The following STAM variants were observed in gnomAD, a reference collection of about 807,000 sequenced individuals.
The protein encoded by STAM is signal transducing adaptor molecule.
Under a neutral mutation model 63.4 loss-of-function variants are expected in STAM, and 16 were observed. The observed-to-expected ratio is 0.25, with a 90% CI of 0.17 to 0.38. The LOEUF (loss-of-function observed/expected upper bound fraction) is 0.38, where lower values mean the gene tolerates loss of function less well. Ranked by LOEUF, STAM falls within the 10% of genes least tolerant of loss-of-function variation. The probability of loss-of-function intolerance (pLI) is 1.00; values close to 1 mark genes in which losing one functional copy is unlikely to be tolerated. For synonymous variants in STAM, 238 were observed against 223.9 expected (o/e 1.06, Z -0.56); for missense variants, 636 against 657.1 (o/e 0.97, Z 0.35).
chr10:17,680,324 C>T (rs782077022), intron 2 of STAM, among the ~76,000 whole-genome samples: 19 of 152,066 alleles, frequency 1.2e-4, no homozygotes, highest in Non-Finnish European at 1.2e-4. Context: ...AACTGTATAC[C>T]CATTAAACAA....
chr10:17,714,605 C>T lies in STAM; in HGVS notation c.1448C>T (p.Pro483Leu). The T allele has an allele frequency of 5.0e-6, 8 of 1,614,146 alleles. No homozygotes were observed. The highest frequency in any genetic ancestry group is 5.9e-6 in the Non-Finnish European group (7 of 1,180,022). ...YPSQAPVYSP[P>L]PAATAAAATA... ...AGCCAGGCGCCAGTATATAGTCCTC[C>T]TCCTGCCGCTACTGCTGCTGCTGCA... is the stretch of plus-strand genomic sequence containing the variant. The change falls in exon 14 of 14, where the codon CCT becomes CTT. Residue 483 changes from proline to leucine, a missense_variant. Coordinates refer to ENST00000377524, the MANE Select transcript of STAM (RefSeq NM_003473.4).
chr10:17,712,419 T>C (rs368916030), intron 13 of STAM, among the ~76,000 whole-genome samples: 1 of 152,204 alleles, frequency 6.6e-6, no homozygotes, highest in Non-Finnish European at 1.5e-5. Context: ...CTCACACATA[T>C]GGAGTGATGA....
intron 1 of STAM, among the ~76,000 whole-genome samples, chr10:17,650,483 C>G (rs927693333): frequency 6.6e-6 from 1 of 152,132 alleles, no homozygotes; most frequent in African/African-American, 2.4e-5. Flanking sequence ...ATAGTTGGTA[C>G]CTAAGTTTAC....
intron 1 of STAM, among the ~76,000 whole-genome samples, chr10:17,650,758 C>G (rs1319664103): frequency 6.6e-6 from 1 of 152,018 alleles, no homozygotes; most frequent in Non-Finnish European, 1.5e-5. Context: ...ACGCGTGGCC[C>G]CTCCGTTTAA....
chr10:17,688,182 G>C lies in STAM; in HGVS notation c.444+9G>C, dbSNP rs782805317. 4 of 1,525,816 alleles carry C rather than the reference G, an allele frequency of 2.6e-6. No homozygotes were observed. Among genetic ancestry groups the C allele is most frequent in the Non-Finnish European group, 3.5e-6 (4 of 1,135,582 alleles). The allele number at this position is 1,525,816 out of a possible 1,614,324, so 94.5% of individuals were successfully genotyped here. ...CAGCTATTGGCTCTCAGGTATTTTG[G>C]GAATGAAGTTGTGTGTGTGCTACAG... On this transcript the variant is annotated intron_variant, in intron 5 of 13. Transcript: ENST00000377524.
At chr10:17,648,427 C>T (rs2131553667) in intron 1 of STAM, among the ~76,000 whole-genome samples, 1 of 152,304 alleles carries the variant, frequency 6.6e-6, no homozygotes, top group Non-Finnish European at 1.5e-5. Context: ...GGCACCCTAG[C>T]CAGCAGCAGC....
At chr10:17,703,079 A>G (rs950685401) in intron 9 of STAM, among the ~76,000 whole-genome samples, 1 of 151,674 alleles carries the variant, frequency 6.6e-6, no homozygotes, top group Non-Finnish European at 1.5e-5. Flanking sequence ...CTAATCATCT[A>G]TGTAGAAACC....
intron 13 of STAM, among the ~76,000 whole-genome samples, chr10:17,711,544 G>T (rs1836553618): frequency 6.6e-6 from 1 of 152,240 alleles, no homozygotes; most frequent in South Asian, 2.1e-4. Flanking sequence ...TGTACCTTAG[G>T]AGCCTCAGGG....
At chr10:17,649,415 A>T (rs1050108656) in intron 1 of STAM, among the ~76,000 whole-genome samples, 12 of 151,516 alleles carry the variant, frequency 7.9e-5, no homozygotes, top group African/African-American at 1.5e-4. Context: ...AAAAAGAATT[A>T]AAAAAAATGC....
At chr10:17,690,656 T>A (rs1411488646) in intron 5 of STAM, among the ~76,000 whole-genome samples, 1 of 152,226 alleles carries the variant, frequency 6.6e-6, no homozygotes, top group Non-Finnish European at 1.5e-5. Flanking sequence ...CAGACTAGAT[T>A]TTTGTTAGGG....
At chr10:17,685,969 A>G (rs555678769) in intron 4 of STAM, among the ~76,000 whole-genome samples, 160 of 152,336 alleles carry the variant, frequency 1.1e-3, no homozygotes, top group African/African-American at 3.8e-3. Context: ...TTTGTATGTT[A>G]AAAGGGAAAA....
chr10:17,671,111 G>C (rs1399327930), intron 2 of STAM, among the ~76,000 whole-genome samples: 2 of 152,168 alleles, frequency 1.3e-5, no homozygotes, highest in African/African-American at 4.8e-5. Flanking sequence ...AAAGATTTGA[G>C]TTCCCATGTC....
At chr10:17,709,646 C>T (rs1374038558) in intron 13 of STAM, among the ~76,000 whole-genome samples, 2 of 152,036 alleles carry the variant, frequency 1.3e-5, no homozygotes, top group South Asian at 2.1e-4. Flanking sequence ...AGTTTACCAA[C>T]GTGTATTCTA....
intron 2 of STAM, among the ~76,000 whole-genome samples, chr10:17,666,458 G>T (rs950733162): frequency 1.2e-4 from 16 of 136,892 alleles, no homozygotes; most frequent in Admixed American, 5.8e-4. Flanking sequence ...GCAGTGGCAC[G>T]ATCTTGGCTC....
chr10:17,689,220 G>T (rs79081430), intron 5 of STAM, among the ~76,000 whole-genome samples: 1 of 152,150 alleles, frequency 6.6e-6, no homozygotes, highest in Admixed American at 6.5e-5. Flanking sequence ...AATATGTGCT[G>T]ATTTACTACA....
chr10:17,649,943 T>C (rs1037787129), intron 1 of STAM, among the ~76,000 whole-genome samples: 2 of 152,210 alleles, frequency 1.3e-5, no homozygotes, highest in African/African-American at 4.8e-5. Context: ...GTTGTAGTTA[T>C]CTTGACTTGA....
chr10:17,696,106 G>T (rs7350432), intron 7 of STAM: 59,897 of 151,864 alleles, frequency 0.39, 12,444 homozygotes, highest in South Asian at 0.52. Context: ...TTGCTTTGGG[G>T]GTTAGGATTT....
chr10:17,687,363 C>T (rs947549850), intron 4 of STAM, among the ~76,000 whole-genome samples: 1 of 151,970 alleles, frequency 6.6e-6, no homozygotes, highest in Non-Finnish European at 1.5e-5. Flanking sequence ...TAATCCTACT[C>T]GGGAGGTTGA....
At chr10:17,655,536 T>C (rs1200585246) in intron 1 of STAM, among the ~76,000 whole-genome samples, 2 of 152,214 alleles carry the variant, frequency 1.3e-5, no homozygotes, top group South Asian at 2.1e-4. Context: ...TAGCAGGTAT[T>C]ATACACCTGT....
Sources: allele counts gnomAD v4.1 joint callset (sites outside exome capture counted in the v4.1 genomes callset), GRCh38; gene constraint gnomAD v4.1.1; transcripts MANE v1.5; gene names NCBI Gene and HGNC (gene_info 2026-07-23, HGNC 2026-07-21).